SH3KBP1: variants seen among roughly 807,000 people sequenced by gnomAD.
SH3KBP1 encodes the protein SH3 domain containing kinase binding protein 1.
A neutral mutation model predicts 50.1 loss-of-function variants in SH3KBP1; 8 were observed. The ratio of observed to expected loss-of-function variants is 0.16; its 90% CI spans 0.09 to 0.29. The LOEUF is 0.29. Among genes scored for constraint, SH3KBP1 ranks in the 10% least tolerant of loss-of-function variants. SH3KBP1 has a pLI of 1.00. For missense variants in SH3KBP1, 377 were observed against 535.2 expected, an observed-to-expected ratio of 0.70 and a Z score of 2.92; for synonymous variants, 227 against 218.6, an observed-to-expected ratio of 1.04 and a Z score of -0.34.
At chrX:19,629,527 A>G (rs997842560) in intron 8 of SH3KBP1, among the ~76,000 whole-genome samples, 11 of 111,283 alleles carry the variant, frequency 9.9e-5, no homozygotes, top group African/African-American at 3.6e-4. Context: ...GGTGGGTGAT[A>G]GAGAAAGAAG....
At chrX:19,732,819 GAA>G (rs754136723) in intron 3 of SH3KBP1, among the ~76,000 whole-genome samples, 1 of 111,662 alleles carries the variant, frequency 9.0e-6, no homozygotes, top group East Asian at 2.8e-4. Context: ...CTATTGTAAA[GAA>G]ATCTTCAAAA....
chrX:19,849,838 TGTTA>T (rs2147477241), intron 1 of SH3KBP1, among the ~76,000 whole-genome samples: 1 of 111,887 alleles, frequency 8.9e-6, no homozygotes, highest in South Asian at 3.7e-4. Flanking sequence ...AAGGAAACAC[TGTTA>T]GTTGCTGTAT....
At chrX:19,839,363 G>T (rs1188991239) in intron 1 of SH3KBP1, among the ~76,000 whole-genome samples, 4 of 104,254 alleles carry the variant, frequency 3.8e-5, no homozygotes, top group African/African-American at 1.1e-4. Context: ...TTTAGACAGG[G>T]TCTGGCTCTG....
intron 2 of SH3KBP1, among the ~76,000 whole-genome samples, chrX:19,778,031 T>C (rs1004269875): frequency 1.8e-5 from 2 of 111,203 alleles, no homozygotes; most frequent in African/African-American, 6.5e-5. Context: ...GATTCCTTCA[T>C]ATCCTACTCC....
At chrX:19,850,691 G>A (rs778064855) in intron 1 of SH3KBP1, among the ~76,000 whole-genome samples, 23 of 111,083 alleles carry the variant, frequency 2.1e-4, no homozygotes, top group Non-Finnish European at 3.6e-4. Context: ...TAAGAATTGC[G>A]TGCTGAAACA....
chrX:19,635,462 A>C (rs2061679497), intron 7 of SH3KBP1, among the ~76,000 whole-genome samples: 2 of 109,218 alleles, frequency 1.8e-5, no homozygotes, highest in Admixed American at 2.0e-4. Flanking sequence ...ATGGGTCAAC[A>C]GGTGCAGCAA....
chrX:19,657,621 G>A (rs5955831), intron 6 of SH3KBP1, among the ~76,000 whole-genome samples: 9,378 of 107,573 alleles, frequency 0.087, 955 homozygotes, highest in African/African-American at 0.29. Context: ...CCATCTACGC[G>A]GGAGGCTGAG....
intron 2 of SH3KBP1, among the ~76,000 whole-genome samples, chrX:19,792,567 A>G (rs2066565513): frequency 9.0e-6 from 1 of 110,991 alleles, no homozygotes; most frequent in Non-Finnish European, 1.9e-5. Context: ...GCCCCTTTGC[A>G]GGTCTTTCAA....
chrX:19,829,810 T>C lies in SH3KBP1; in HGVS notation c.162+6315A>G, dbSNP rs191473015. Among the ~76,000 whole-genome samples the C allele has an allele frequency of 5.9e-3, 656 of 110,977 alleles. 2 individuals carry two copies. Among genetic ancestry groups the C allele is most frequent in the African/African-American group, 9.3e-3 (283 of 30,579 alleles). Reference sequence around the variant, plus strand: ...AGCAGCCCCGAGAGCTGCCTGGAGCTGCTGGTTGCCCATTTTTATGGTTAT... The same window carrying C: ...AGCAGCCCCGAGAGCTGCCTGGAGCCGCTGGTTGCCCATTTTTATGGTTAT... On this transcript the variant is annotated intron_variant, in intron 2 of 17. Coordinates refer to ENST00000397821, the MANE Select transcript of SH3KBP1 (RefSeq NM_031892.3).
chrX:19,591,645 C>T (rs2066752552), intron 11 of SH3KBP1, among the ~76,000 whole-genome samples: 1 of 112,016 alleles, frequency 8.9e-6, no homozygotes, highest in South Asian at 3.7e-4. Context: ...GTTTATTTAT[C>T]TGGACGTGAA....
chrX:19,864,933 G>A (rs1285189149), intron 1 of SH3KBP1, among the ~76,000 whole-genome samples: 1 of 112,120 alleles, frequency 8.9e-6, no homozygotes, highest in Non-Finnish European at 1.9e-5. Context: ...TAGCACTTAT[G>A]TCCAAAGAAA....
Position 19,588,735 on chromosome X carries a change from CT to C in SH3KBP1, c.1205del (p.Lys402SerfsTer28). On this transcript the variant is annotated frameshift_variant, in exon 12 of 18. Coordinates refer to ENST00000397821, the MANE Select transcript of SH3KBP1 (RefSeq NM_031892.3). LOFTEE classifies it high-confidence loss of function. Reference sequence around the variant, plus strand: ...GAGAATTGGTCTTAGGTGGCCGAGGCTTTTTTGGCGGTATGGCAGGAACGGA... The same window carrying C: ...GAGAATTGGTCTTAGGTGGCCGAGGCTTTTTGGCGGTATGGCAGGAACGGA... The part of the protein sequence containing the change: ...KPSVPAIPPK[K>X]PRPPKTNSLS... 1 of 1,202,523 alleles carries C rather than the reference CT, an allele frequency of 8.3e-7. No homozygotes were observed. Among genetic ancestry groups the C allele is most frequent in the Non-Finnish European group, 1.1e-6 (1 of 890,413 alleles).
chrX:19,640,135 C>G lies in SH3KBP1; in HGVS notation c.802+5265G>C, dbSNP rs1333231363. On this transcript the variant is annotated intron_variant, in intron 7 of 17. Transcript: ENST00000397821. ...TGGAGTGCTCCTACTTTCTCACTCC[C>G]TGACAAAGTATGTGATTTTAGAGAC... Among the ~76,000 whole-genome samples the G allele has an allele frequency of 2.3e-4, 26 of 110,945 alleles. No individual in the cohort carries two copies. The Admixed American group carries it at 2.5e-3, about 11-fold the overall frequency.
At chrX:19,639,193 C>A (rs181309714) in intron 7 of SH3KBP1, among the ~76,000 whole-genome samples, 1 of 111,546 alleles carries the variant, frequency 9.0e-6, no homozygotes, top group Non-Finnish European at 1.9e-5. Context: ...TGTCTGTCAA[C>A]GCCAACCCAG....
chrX:19,707,014 C>G (rs1317851823), intron 3 of SH3KBP1, 30 bp from the exon 4 acceptor site: 2 of 1,090,891 alleles, frequency 1.8e-6, no homozygotes, highest in Admixed American at 2.2e-5. Context: ...TATTTAGAGA[C>G]AGCTCTTCTC....
intron 12 of SH3KBP1, among the ~76,000 whole-genome samples, chrX:19,587,514 T>C (rs1041196420): frequency 8.9e-6 from 1 of 112,321 alleles, no homozygotes; most frequent in African/African-American, 3.2e-5. Context: ...TAATTAAAAC[T>C]TGTCTTTAAG....
At chrX:19,647,445 C>T (rs2062014832) in intron 6 of SH3KBP1, among the ~76,000 whole-genome samples, 1 of 111,832 alleles carries the variant, frequency 8.9e-6, no homozygotes, top group Non-Finnish European at 1.9e-5. Flanking sequence ...AGCTACCAGA[C>T]ATCAAGCAAG....
chrX:19,805,372 T>C (rs2067016069), intron 2 of SH3KBP1, among the ~76,000 whole-genome samples: 1 of 110,809 alleles, frequency 9.0e-6, no homozygotes, highest in African/African-American at 3.3e-5. Context: ...GTAAATAATT[T>C]GTGGAGCTAA....
chrX:19,866,056 G>T (rs2068898774), intron 1 of SH3KBP1, among the ~76,000 whole-genome samples: 1 of 112,025 alleles, frequency 8.9e-6, no homozygotes, highest in African/African-American at 3.2e-5. Context: ...GAGGAAAAAA[G>T]AAGAAAAACA....
Sources: allele counts gnomAD v4.1 joint callset (sites outside exome capture counted in the v4.1 genomes callset), GRCh38; gene constraint gnomAD v4.1.1; transcripts MANE v1.5; gene names NCBI Gene and HGNC (gene_info 2026-07-23, HGNC 2026-07-21).